The following SLC1A5 variants were observed in gnomAD, a reference collection of about 807,000 sequenced individuals.
SLC1A5 encodes solute carrier family 1 member 5, also known as neutral amino acid transporter B(0).
In SLC1A5, 25 loss-of-function variants were observed where a neutral mutation model predicts 34.9. That is an observed-to-expected ratio of 0.72 (90% CI 0.52 to 1.00). SLC1A5 has a LOEUF of 1.00. Ranked by LOEUF, SLC1A5 falls within the 50% of genes least tolerant of loss-of-function variation. The pLI, the probability that SLC1A5 is intolerant of heterozygous loss-of-function variation, is 0.00. For missense variants in SLC1A5, 637 were observed against 740.0 expected (o/e 0.86, Z 1.61); for synonymous variants, 351 against 341.2 (o/e 1.03, Z -0.32).
intron 3 of SLC1A5, among the ~76,000 whole-genome samples, chr19:46,783,812 G>C (rs370037425): frequency 6.6e-6 from 1 of 151,910 alleles, no homozygotes; most frequent in Admixed American, 6.6e-5. Flanking sequence ...AAAACCTCTG[G>C]CTGGCTGCCA....
At chr19:46,782,938 G>A (rs1229711769) in intron 3 of SLC1A5, among the ~76,000 whole-genome samples, 4 of 152,188 alleles carry the variant, frequency 2.6e-5, no homozygotes, top group African/African-American at 7.2e-5. Flanking sequence ...GCCTAGAAAT[G>A]AGTGCAACTT....
At chr19:46,782,321 C>A in intron 4 of SLC1A5, 62 bp downstream of exon 4, 1 of 1,484,002 alleles carries the variant, frequency 6.7e-7, no homozygotes, top group Non-Finnish European at 9.3e-7. Context: ...CCCGCACCTG[C>A]CTCTGGCAGC....
intron 3 of SLC1A5, 38 bp from the exon 4 acceptor site, chr19:46,782,587 C>G (rs1047742235): frequency 1.2e-6 from 2 of 1,610,954 alleles, no homozygotes; most frequent in Non-Finnish European, 8.5e-7. Flanking sequence ...AAAGGACACT[C>G]AGTCTACCTG....
Position 46,775,336 on chromosome 19 carries a change from T to C in SLC1A5, c.*174A>G, listed in dbSNP as rs2055076528. On this transcript the variant is annotated 3_prime_UTR_variant, in exon 8 of 8. Coordinates refer to ENST00000542575, the MANE Select transcript of SLC1A5 (RefSeq NM_005628.3). Reference sequence around the variant, plus strand: ...TTGAGGAGTAACCCTTGTGAACACATGTACTCCAGCAGCCAGGCATCCCAG... The same window carrying C: ...TTGAGGAGTAACCCTTGTGAACACACGTACTCCAGCAGCCAGGCATCCCAG... 2.1e-6 allele frequency: 3 copies of C among 1,455,844 alleles called. No homozygotes were observed. The highest frequency in any genetic ancestry group is 4.8e-5 in the East Asian group (2 of 41,648). The allele number at this position is 1,455,844 out of a possible 1,614,324, so 90.2% of individuals were successfully genotyped here.
At chr19:46,778,983 A>G (rs3745609) in intron 4 of SLC1A5, 75 bp from the exon 5 acceptor site, 359,392 of 1,050,200 alleles carry the variant, frequency 0.34, 62,984 homozygotes, top group African/African-American at 0.46. Context: ...TCAGCACCCT[A>G]CCCACATCTT....
At position 46,788,574 on chromosome 19, in the gene SLC1A5, C is replaced by G. The variant is rs1043231973; in HGVS notation, c.-609G>C. On this transcript the variant is annotated 5_prime_UTR_variant, in exon 1 of 8. Coordinates refer to ENST00000542575, the MANE Select transcript of SLC1A5 (RefSeq NM_005628.3). Reference sequence around the variant, plus strand: ...GCGGTTACCAGCCAGAGAAAGCCTCCCGGGCGTGCCGCGTGGCTCTGAGCC... The same window carrying G: ...GCGGTTACCAGCCAGAGAAAGCCTCGCGGGCGTGCCGCGTGGCTCTGAGCC... 1.3e-5 allele frequency: 2 copies of G among 152,430 alleles called. No homozygotes were observed. Among genetic ancestry groups the G allele is most frequent in the African/African-American group, 4.8e-5 (2 of 41,462 alleles). The allele number at this position is 152,430 out of a possible 1,614,324, so 9.4% of individuals were successfully genotyped here.
chr19:46,778,415 G>C (rs373864463), intron 5 of SLC1A5, among the ~76,000 whole-genome samples: 6 of 152,200 alleles, frequency 3.9e-5, no homozygotes, highest in Admixed American at 3.9e-4. Flanking sequence ...GCAACAGAGC[G>C]AGACGCCATT....
chr19:46,781,657 C>T (rs1413406531), intron 4 of SLC1A5, among the ~76,000 whole-genome samples: 11 of 152,114 alleles, frequency 7.2e-5, no homozygotes, highest in Admixed American at 7.2e-4. Flanking sequence ...ACTCGATCAT[C>T]GGTCGCCCAT....
chr19:46,777,895 G>A (rs2055109594), intron 5 of SLC1A5, among the ~76,000 whole-genome samples: 1 of 151,230 alleles, frequency 6.6e-6, no homozygotes, highest in African/African-American at 2.4e-5. Context: ...GCAGCACTAG[G>A]GAACTCAATA....
intron 4 of SLC1A5, 37 bp downstream of exon 4, chr19:46,782,346 A>ACCCCCCCCCCCCCCCCCCG: frequency 1.8e-6 from 1 of 567,986 alleles, no homozygotes; most frequent in Non-Finnish European, 3.2e-6. Context: ...CGACCCTCCA[A>ACCCCCCCCCCCCCCCCCCG]CCCCACCCAC....
In SLC1A5 at chr19:46,775,273, T is replaced by C. The variant is rs1318566297; in HGVS notation, c.*237A>G. Reference sequence around the variant, plus strand: ...ATTATTTCTCCATCTTGCTGTTTTCTAGCCTTGAGTTGGGGACATGAGTGA... The same window carrying C: ...ATTATTTCTCCATCTTGCTGTTTTCCAGCCTTGAGTTGGGGACATGAGTGA... On this transcript the variant is annotated 3_prime_UTR_variant, in exon 8 of 8. Coordinates refer to ENST00000542575, the MANE Select transcript of SLC1A5 (RefSeq NM_005628.3). The C allele has an allele frequency of 1.6e-6, 2 of 1,270,326 alleles. No homozygotes were observed. Among genetic ancestry groups the C allele is most frequent in the Non-Finnish European group, 9.9e-7 (1 of 1,005,066 alleles). The allele number at this position is 1,270,326 out of a possible 1,614,324, so 78.7% of individuals were successfully genotyped here. A position where few individuals can be genotyped will look rare whatever the true frequency, so the allele number is the denominator to read the frequency against.
In SLC1A5 at chr19:46,788,017, G is replaced by A. The variant is rs1395340070; in HGVS notation, c.-52C>T. The A allele has an allele frequency of 6.8e-7, 1 of 1,475,590 alleles. No homozygotes were observed. The highest frequency in any genetic ancestry group is 9.0e-7 in the Non-Finnish European group (1 of 1,113,776). The allele number at this position is 1,475,590 out of a possible 1,614,324, so 91.4% of individuals were successfully genotyped here. On this transcript the variant is annotated 5_prime_UTR_variant, in exon 1 of 8. Transcript: ENST00000542575. Reference sequence around the variant, plus strand: ...GCCTGGAAGCTGGCTGGGAGCGCTTGGGCTCCTTCCCAGGACCCGACGTTC... The same window carrying A: ...GCCTGGAAGCTGGCTGGGAGCGCTTAGGCTCCTTCCCAGGACCCGACGTTC...
chr19:46,784,953 TG>T, intron 1 of SLC1A5: 2 of 1,106,010 alleles, frequency 1.8e-6, no homozygotes, highest in Non-Finnish European at 2.3e-6. Flanking sequence ...TCTGAGAGTA[TG>T]GGGGAGGATC....
intron 4 of SLC1A5, among the ~76,000 whole-genome samples, chr19:46,780,935 C>T (rs2055141091): frequency 1.3e-5 from 2 of 152,212 alleles, no homozygotes; most frequent in Non-Finnish European, 2.9e-5. Flanking sequence ...TGTGCCACTG[C>T]ACCTCCAGCC....
rs1379824531 is a variant in SLC1A5, at chr19:46,778,946, C to T, written c.825-38G>A. On this transcript the variant is annotated intron_variant, in intron 4 of 7. Coordinates refer to ENST00000542575, the MANE Select transcript of SLC1A5 (RefSeq NM_005628.3). ...ACAGGAGACAGCTTGTTGCCTCTTC[C>T]ACGGGCCCAGTGGCCAGGCGTGAGG... 1.2e-5 allele frequency: 18 copies of T among 1,477,886 alleles called. 1 individual carries two copies. In the South Asian group the frequency reaches 2.4e-4, roughly 20 times the overall value. The allele number at this position is 1,477,886 out of a possible 1,614,324, so 91.5% of individuals were successfully genotyped here.
At chr19:46,784,813 G>T in intron 1 of SLC1A5, 1 of 1,421,018 alleles carries the variant, frequency 7.0e-7, no homozygotes, top group Non-Finnish European at 9.2e-7. Context: ...TGGGTTCGGG[G>T]TGAGGAATGC....
intron 1 of SLC1A5, among the ~76,000 whole-genome samples, chr19:46,785,537 A>G (rs1403884363): frequency 6.6e-6 from 1 of 152,178 alleles, no homozygotes; most frequent in Admixed American, 6.5e-5. Context: ...TGAGGCCCAG[A>G]AGGGTAAAGA....
At chr19:46,777,855 G>C (rs2055109056) in intron 5 of SLC1A5, among the ~76,000 whole-genome samples, 1 of 148,352 alleles carries the variant, frequency 6.7e-6, no homozygotes, top group Non-Finnish European at 1.5e-5. Flanking sequence ...GCCCTCACTT[G>C]CTATATCTAA....
intron 4 of SLC1A5, among the ~76,000 whole-genome samples, chr19:46,781,927 A>G (rs2055149145): frequency 6.6e-6 from 1 of 152,120 alleles, no homozygotes; most frequent in African/African-American, 2.4e-5. Context: ...CTTGAGACAG[A>G]GTTTCCCTCT....
Sources: allele counts gnomAD v4.1 joint callset (sites outside exome capture counted in the v4.1 genomes callset), GRCh38; gene constraint gnomAD v4.1.1; transcripts MANE v1.5; gene names NCBI Gene and HGNC (gene_info 2026-07-23, HGNC 2026-07-21).